Variants in FUOM observed in about 807,000 individuals in gnomAD.
FUOM encodes the protein fucose mutarotase, also known as protein fucU homolog.
A neutral mutation model predicts 18.3 loss-of-function variants in FUOM; 19 were observed. The ratio of observed to expected loss-of-function variants is 1.04; its 90% confidence interval spans 0.73 to 1.53. The LOEUF (loss-of-function observed/expected upper bound fraction) is 1.53. Ranked by LOEUF, FUOM falls within the 40% of genes most tolerant of loss-of-function variation. The pLI, the probability that FUOM is intolerant of heterozygous loss-of-function variation, is 0.00. For missense variants in FUOM, 210 were observed against 200.9 expected (o/e 1.04, Z -0.27); for synonymous variants, 102 against 87.9 (o/e 1.16, Z -0.90).
chr10:133,354,819 G>T (rs1848736558), downstream of FUOM, among the ~76,000 whole-genome samples: 1 of 152,182 alleles, frequency 6.6e-6, no homozygotes, highest in South Asian at 2.1e-4. Context: ...CCACACCGAG[G>T]CCTCTCCAGC....
downstream of FUOM, among the ~76,000 whole-genome samples, chr10:133,354,197 G>A (rs1848728062): frequency 6.6e-6 from 1 of 152,188 alleles, no homozygotes; most frequent in African/African-American, 2.4e-5. Flanking sequence ...ATCGGGTCTA[G>A]AGATGAGCAG....
In FUOM at chr10:133,355,799, T is replaced by C. The variant is rs375479477; in HGVS notation, c.337A>G (p.Lys113Glu). 7 of 1,612,762 alleles carry C rather than the reference T, an allele frequency of 4.3e-6. No individual in the cohort carries two copies. In the East Asian group the frequency reaches 8.9e-5, roughly 21 times the overall value. ...RRAGCVRALAKIERFEFYERA... is the reference protein window; with the variant it reads ...RRAGCVRALAEIERFEFYERA... The stretch of plus-strand genomic sequence containing the variant: ...TCATAAAACTCAAACCTCTCTATCT[T>C]TGCCAGGGCTCTCTGGAAGACAAAA... Residue 113 changes from lysine to glutamate, a missense_variant, in exon 5 of 6, where the codon AAG (lysine) becomes GAG (glutamate). Transcript: ENST00000278025.
intron 4 of FUOM, 24 bp from the exon 5 acceptor site, chr10:133,355,835 G>A: frequency 6.3e-7 from 1 of 1,595,964 alleles, no homozygotes; most frequent in Middle Eastern, 1.7e-4. Flanking sequence ...TGGCAGGGTT[G>A]GAGGGAACCC....
chr10:133,357,865 G>A, intron 1 of FUOM, 58 bp downstream of exon 1: 5 of 1,422,394 alleles, frequency 3.5e-6, no homozygotes, highest in Non-Finnish European at 4.7e-6. Flanking sequence ...CCCCGTGCAA[G>A]CCTCGCCCTC....
intron 4 of FUOM, 79 bp from the exon 5 acceptor site, chr10:133,355,890 A>G: frequency 1.7e-6 from 2 of 1,194,998 alleles, no homozygotes; most frequent in Non-Finnish European, 2.5e-6. Context: ...CCCAGGGCCC[A>G]AAGCAGGGAG....
intron 4 of FUOM, 64 bp from the exon 5 acceptor site, chr10:133,355,875 G>T: frequency 1.5e-6 from 2 of 1,353,302 alleles, no homozygotes; most frequent in South Asian, 1.2e-5. Flanking sequence ...GCCAGCCCTG[G>T]ACTCCCCAGG....
chr10:133,355,072 G>A (rs528155231), downstream of FUOM: 12 of 435,126 alleles, frequency 2.8e-5, no homozygotes, highest in South Asian at 1.3e-4. Flanking sequence ...CTCAAGGTTC[G>A]TCAAGGGTAC....
rs780983033 is a variant in FUOM at position 133,355,441 on chromosome 10, A to G, written c.399-5T>C. On this transcript the variant is annotated splice_polypyrimidine_tract_variant and splice_region_variant and intron_variant, in intron 5 of 5. Transcript: ENST00000278025. ...TTTCCGTAGAGGGCCGTCTCCCTGC[A>G]GAGGAGCCAAGCCCAGCACTGAGCT... 3.1e-6 allele frequency: 5 copies of G among 1,609,978 alleles called. No homozygotes were observed. The highest frequency in any genetic ancestry group is 1.8e-4 in the Middle Eastern group (1 of 5,508).
rs1210875418 is a variant in FUOM, at chr10:133,356,715, G to A, written c.249C>T (p.Pro83=). 3 of 1,595,788 alleles carry A rather than the reference G, an allele frequency of 1.9e-6. No individual in the cohort carries two copies. In the African/African-American group the frequency reaches 4.0e-5, roughly 21 times the overall value. The change falls in exon 4 of 6, where the codon CCC becomes CCT. Residue 83 remains proline (P), a synonymous_variant. Coordinates refer to ENST00000278025, the MANE Select transcript of FUOM (RefSeq NM_001098483.3). ...TCTGCAGGCCCCTCTCCTTGTCGCTGGGCACCAGCTCCATGACTGCAGCCT... is the reference window on the plus strand; with the variant it reads ...TCTGCAGGCCCCTCTCCTTGTCGCTAGGCACCAGCTCCATGACTGCAGCCT... ...ESPAAVMELV[P]SDKERGLQTP... is the part of the protein sequence containing the mutation.
rs762426224 is a variant in FUOM at position 133,355,742 on chromosome 10, T to C, written c.394A>G (p.Thr132Ala). 107 of 1,613,112 alleles carry C rather than the reference T, an allele frequency of 6.6e-5. No individual in the cohort carries two copies. Among genetic ancestry groups the C allele is most frequent in the Non-Finnish European group, 8.5e-5 (100 of 1,179,916 alleles). ...RAKKAFAVVA[T>A]GETALYGNLI... ...TCTGAGCCAGCTGGAACTCACCCCG[T>C]TGCCACAACAGCAAAAGCCTTCTTA... is the stretch of plus-strand genomic sequence containing the variant. The change falls in exon 5 of 6, where the codon ACG becomes GCG. Residue 132 changes from threonine (T) to alanine (A), a missense_variant. By Grantham distance (58) the Thr-to-Ala change is moderately conservative. Coordinates refer to ENST00000278025, the MANE Select transcript of FUOM (RefSeq NM_001098483.3).
Position 133,355,208 on chromosome 10 carries a change from A to G in FUOM, c.*162T>C. On this transcript the variant is annotated 3_prime_UTR_variant, in exon 6 of 6. Transcript: ENST00000278025. ...TCCATCATTTTCACAAATCAGGGAT[A>G]CTCGTCCCAATTGGCAGGGCCCACC... is the stretch of plus-strand genomic sequence containing the variant. The G allele has an allele frequency of 1.5e-6, 1 of 673,184 alleles. No individual in the cohort carries two copies. Among genetic ancestry groups the G allele is most frequent in the Non-Finnish European group, 2.5e-6 (1 of 403,734 alleles). 41.7% of individuals were successfully genotyped at this position (673,184 alleles called of 1,614,324 possible).
At position 133,355,345 on chromosome 10, in the gene FUOM, C is replaced by T. The variant is rs1301683790; in HGVS notation, c.*25G>A. 1 of 1,580,162 alleles carries T rather than the reference C, an allele frequency of 6.3e-7. No individual in the cohort carries two copies. Among genetic ancestry groups the T allele is most frequent in the East Asian group, 2.3e-5 (1 of 43,724 alleles). ...GCTCAGGGTGCCCCCAGTTCCTCTTCCGGCCCAGGTGGTCTTCACCAGGCC... is the reference window on the plus strand; with the variant it reads ...GCTCAGGGTGCCCCCAGTTCCTCTTTCGGCCCAGGTGGTCTTCACCAGGCC... On this transcript the variant is annotated 3_prime_UTR_variant, in exon 6 of 6. Transcript: ENST00000278025.
chr10:133,356,700 C>A lies in FUOM; in HGVS notation c.264G>T (p.Arg88Ser). 6.3e-7 allele frequency: 1 copy of A among 1,599,772 alleles called. No individual in the cohort carries two copies. ...VMELVPSDKE[R>S]GLQTPVWTEY... ...CCGTCCACACTGGGGTCTGCAGGCC[C>A]CTCTCCTTGTCGCTGGGCACCAGCT... is the stretch of plus-strand genomic sequence containing the variant. The change falls in exon 4 of 6, where the codon AGG (arginine) becomes AGT (serine). Residue 88 changes from arginine (R) to serine (S), a missense_variant. Physicochemically the swap from Arg to Ser is moderately radical, Grantham distance 110. Transcript: ENST00000278025.
chr10:133,357,277 C>T (rs1309863325), intron 1 of FUOM, 22 bp from the exon 2 acceptor site: 1 of 1,560,406 alleles, frequency 6.4e-7, no homozygotes, highest in Non-Finnish European at 8.7e-7. Context: ...GGAGGACAGC[C>T]CGTGTCGGCA....
At chr10:133,357,557 C>T in intron 1 of FUOM, 1 of 499,380 alleles carries the variant, frequency 2.0e-6, no homozygotes, top group Non-Finnish European at 3.5e-6. Flanking sequence ...TCCCCAGGGG[C>T]CAGAGGACGC....
intron 1 of FUOM, 28 bp from the exon 2 acceptor site, chr10:133,357,283 C>T (rs377008427): frequency 3.7e-4 from 577 of 1,556,512 alleles, no homozygotes; most frequent in Middle Eastern, 6.7e-4. Flanking sequence ...CAGCCCGTGT[C>T]GGCACCTATC....
In FUOM at chr10:133,356,687, G is replaced by C. The variant is rs751871856; in HGVS notation, c.277C>G (p.Pro93Ala). The C allele has an allele frequency of 1.2e-5, 20 of 1,601,390 alleles. No individual in the cohort carries two copies. Among genetic ancestry groups the C allele is most frequent in the Non-Finnish European group, 1.6e-5 (19 of 1,173,234 alleles). The change falls in exon 4 of 6, where the codon CCA becomes GCA. Residue 93 changes from proline (P) to alanine (A), a missense_variant. By Grantham distance (27) the Pro-to-Ala change is conservative (BLOSUM62 -1). Coordinates refer to ENST00000278025, the MANE Select transcript of FUOM (RefSeq NM_001098483.3). Reference protein sequence around the residue: ...PSDKERGLQTPVWTEYESILR... With the variant: ...PSDKERGLQTAVWTEYESILR... The stretch of plus-strand genomic sequence containing the variant: ...ATGGACTCGTACTCCGTCCACACTG[G>C]GGTCTGCAGGCCCCTCTCCTTGTCG...
At chr10:133,357,848 C>T (rs1848860894) in intron 1 of FUOM, 75 bp downstream of exon 1, 4 of 1,308,698 alleles carry the variant, frequency 3.1e-6, no homozygotes, top group South Asian at 2.7e-5. Context: ...CTTCCCGGCC[C>T]GGGGGTCCCC....
chr10:133,357,999 C>T lies in FUOM; in HGVS notation c.9G>A (p.Ala3=), dbSNP rs1037980220. The change falls in exon 1 of 6, where the codon GCG becomes GCA. Residue 3 remains alanine (A), a synonymous_variant. Coordinates refer to ENST00000278025, the MANE Select transcript of FUOM (RefSeq NM_001098483.3). MV[A]LKGVPALLSP... The stretch of plus-strand genomic sequence containing the variant: ...ACAGCAGTGCGGGGACACCCTTCAG[C>T]GCCACCATGGCCCGGCAGACGGGGC... 4.0e-6 allele frequency: 6 copies of T among 1,506,476 alleles called. No homozygotes were observed. The highest frequency in any genetic ancestry group is 4.6e-4 in the Middle Eastern group (2 of 4,314). 93.3% of individuals were successfully genotyped at this position (1,506,476 alleles called of 1,614,324 possible). A position where few individuals can be genotyped will look rare whatever the true frequency, so the allele number is the denominator to read the frequency against.
Sources: allele counts gnomAD v4.1 joint callset (sites outside exome capture counted in the v4.1 genomes callset), GRCh38; gene constraint gnomAD v4.1.1; transcripts MANE v1.5; gene names NCBI Gene and HGNC (gene_info 2026-07-23, HGNC 2026-07-21).